The following TCF3 variants were observed in gnomAD, a reference collection of about 807,000 sequenced individuals.
TCF3 encodes transcription factor 3.
A neutral mutation model predicts 72.3 loss-of-function variants in TCF3; 54 were observed. That is an observed-to-expected ratio of 0.75 (90% CI 0.60 to 0.94). TCF3 has a LOEUF of 0.94. TCF3 is among the 40% of genes least tolerant of loss of function. The pLI is 0.00. For missense variants in TCF3, 1,078 were observed against 934.4 expected (o/e 1.15, Z -2.00); for synonymous variants, 525 against 412.6 (o/e 1.27, Z -3.30).
rs1282860373 is a variant in TCF3, at chr19:1,623,833, A to T, written c.549+118T>A. The T allele has an allele frequency of 1.8e-5, 18 of 1,014,630 alleles. No individual in the cohort carries two copies. In the East Asian group the frequency reaches 4.9e-4, roughly 28 times the overall value. The allele number at this position is 1,014,630 out of a possible 1,614,324, so 62.9% of individuals were successfully genotyped here. On this transcript the variant is annotated intron_variant, in intron 8 of 18. Transcript: ENST00000262965. The stretch of plus-strand genomic sequence containing the variant: ...GCTCAGATCTTGGCTCAGAAATCAC[A>T]GGGGGCCTGTCCACTCAGGGCCCAC...
intron 5 of TCF3, 54 bp from the exon 6 acceptor site, chr19:1,627,480 GGCCCCCGA>G: frequency 6.4e-7 from 1 of 1,562,422 alleles, no homozygotes; most frequent in Admixed American, 1.7e-5. Flanking sequence ...ACATCCTGAG[GGCCCCCGA>G]GTGCCTGCCA....
At chr19:1,650,746 C>A (rs976363482) in intron 1 of TCF3, 6 of 231,890 alleles carry the variant, frequency 2.6e-5, no homozygotes, top group African/African-American at 4.4e-5. Context: ...GTGATTCCCC[C>A]CTCCCCCAGC....
In TCF3 at chr19:1,614,728, G is replaced by A. The variant is rs2061380870; in HGVS notation, c.1822+557C>T. ...CAGCTCACATCTGCGGGTGGGGACAGGGTCTGTCTGTATCCTTCCTCCCCC... is the reference window on the plus strand; with the variant it reads ...CAGCTCACATCTGCGGGTGGGGACAAGGTCTGTCTGTATCCTTCCTCCCCC... On this transcript the variant is annotated intron_variant, in intron 18 of 18. Coordinates refer to ENST00000262965, the MANE Select transcript of TCF3 (RefSeq NM_003200.5). This position sits in a 1 kb window ranked among gnomAD's most constrained non-coding sequence, Gnocchi z 5.6. Among the ~76,000 whole-genome samples, 1 of 152,108 alleles carries A rather than the reference G, an allele frequency of 6.6e-6. No homozygotes were observed. The highest frequency in any genetic ancestry group is 1.5e-5 in the Non-Finnish European group (1 of 67,996).
rs569823816 is a variant in TCF3, at chr19:1,642,342, A to C, written c.145+4013T>G. 2.0e-5 allele frequency among the ~76,000 whole-genome samples: 3 copies of C among 152,312 alleles called. No homozygotes were observed. In the South Asian group the frequency reaches 6.2e-4, roughly 32 times the overall value. On this transcript the variant is annotated intron_variant, in intron 3 of 18. Coordinates refer to ENST00000262965, the MANE Select transcript of TCF3 (RefSeq NM_003200.5). ...CACAGACACACACACGTGCGTGTAA[A>C]GCCGGTGGAATCTGATCAGGATCTG... is the stretch of plus-strand genomic sequence containing the variant.
intron 3 of TCF3, among the ~76,000 whole-genome samples, chr19:1,640,256 C>A (rs1316947258): frequency 6.6e-6 from 1 of 152,122 alleles, no homozygotes; most frequent in Non-Finnish European, 1.5e-5. Context: ...CCAAATGAGG[C>A]CGGGCTCGGT....
At chr19:1,643,688 C>T (rs1167374589) in intron 3 of TCF3, among the ~76,000 whole-genome samples, 4 of 152,180 alleles carry the variant, frequency 2.6e-5, no homozygotes, top group Non-Finnish European at 5.9e-5. Flanking sequence ...GTACCTAACT[C>T]CTCTCTCGAC....
At chr19:1,620,735 G>C (rs1209118602) in intron 13 of TCF3, among the ~76,000 whole-genome samples, 3 of 152,178 alleles carry the variant, frequency 2.0e-5, no homozygotes, top group Non-Finnish European at 4.4e-5. Flanking sequence ...TTCCTGGATT[G>C]CCCAGTGGAA....
At chr19:1,640,677 C>T (rs1454893678) in intron 3 of TCF3, among the ~76,000 whole-genome samples, 2 of 152,072 alleles carry the variant, frequency 1.3e-5, no homozygotes, top group East Asian at 1.9e-4. Context: ...ACTTAGCCGG[C>T]ACCTGTAGTC....
intron 3 of TCF3, among the ~76,000 whole-genome samples, chr19:1,636,161 A>C (rs1446168387): frequency 1.3e-5 from 2 of 151,872 alleles, no homozygotes; most frequent in South Asian, 2.1e-4. Context: ...TATTTTAAAA[A>C]ATTTTTTTTT....
At chr19:1,638,322 G>C (rs779056182) in intron 3 of TCF3, among the ~76,000 whole-genome samples, 2 of 152,334 alleles carry the variant, frequency 1.3e-5, no homozygotes, top group East Asian at 1.9e-4. Context: ...ATGTTTCCTA[G>C]TAAGATGCAA....
At chr19:1,640,914 C>T (rs1430224049) in intron 3 of TCF3, among the ~76,000 whole-genome samples, 2 of 151,982 alleles carry the variant, frequency 1.3e-5, no homozygotes, top group South Asian at 2.1e-4. Context: ...TTTGGGAGGC[C>T]GAGGTGGGTG....
In TCF3 at chr19:1,651,040, C is replaced by T. The variant is rs967274387; in HGVS notation, c.-39-753G>A. On this transcript the variant is annotated intron_variant, in intron 1 of 18. Coordinates refer to ENST00000262965, the MANE Select transcript of TCF3 (RefSeq NM_003200.5). ...TTATTTTTAAGCAAAACTTTGACAA[C>T]ATCCCTTGCCTGCCCTCCATGAGCG... 3.9e-5 allele frequency: 9 copies of T among 231,846 alleles called. No individual in the cohort carries two copies. In the Admixed American group the frequency reaches 4.5e-4, roughly 12 times the overall value. 14.4% of individuals were successfully genotyped at this position (231,846 alleles called of 1,614,324 possible).
chr19:1,615,153 A>T lies in TCF3; in HGVS notation c.1822+132T>A. 9.3e-7 allele frequency: 1 copy of T among 1,080,908 alleles called. No homozygotes were observed. Among genetic ancestry groups the T allele is most frequent in the Non-Finnish European group, 1.3e-6 (1 of 772,522 alleles). 67.0% of individuals were successfully genotyped at this position (1,080,908 alleles called of 1,614,324 possible). A position where few individuals can be genotyped will look rare whatever the true frequency, so the allele number is the denominator to read the frequency against. On this transcript the variant is annotated intron_variant, in intron 18 of 18. Transcript: ENST00000262965. This position sits in a 1 kb window ranked among gnomAD's most constrained non-coding sequence, Gnocchi z 7.3. ...ATGCGGTCAGAGGGGTGAAGGGCACAGTCACTGCAAGGAGGCAACTGCTGC... is the reference window on the plus strand; with the variant it reads ...ATGCGGTCAGAGGGGTGAAGGGCACTGTCACTGCAAGGAGGCAACTGCTGC...
chr19:1,650,219 C>G lies in TCF3; in HGVS notation c.30G>C (p.Val10=). 3 of 1,572,372 alleles carry G rather than the reference C, an allele frequency of 1.9e-6. No homozygotes were observed. Among genetic ancestry groups the G allele is most frequent in the Non-Finnish European group, 1.7e-6 (2 of 1,160,220 alleles). Residue 10 remains valine (V), a synonymous_variant, in exon 2 of 19, where the codon GTG becomes GTC. Transcript: ENST00000262965. ...GGTCACTGAGCTCCTTGTCTGTGCC[C>G]ACAGGCGCCATCCTCTGCGGCTGGT... MNQPQRMAP[V]GTDKELSDLL... is the part of the protein sequence containing the mutation.
intron 3 of TCF3, among the ~76,000 whole-genome samples, chr19:1,635,597 C>G (rs981821927): frequency 6.6e-6 from 1 of 152,124 alleles, no homozygotes; most frequent in Non-Finnish European, 1.5e-5. Flanking sequence ...CACCCACCCT[C>G]AACGTCTTCA....
rs1181362648 is a variant in TCF3, at chr19:1,615,874, A to G, written c.1451-53T>C. On this transcript the variant is annotated intron_variant, in intron 16 of 18. Coordinates refer to ENST00000262965, the MANE Select transcript of TCF3 (RefSeq NM_003200.5). This position sits in a 1 kb window ranked among gnomAD's most constrained non-coding sequence, Gnocchi z 7.3. Reference sequence around the variant, plus strand: ...GCGTCGGCCTCCAGGGCCAACTGACATATCTCTTTGTGCTCCTGTGGTGAG... The same window carrying G: ...GCGTCGGCCTCCAGGGCCAACTGACGTATCTCTTTGTGCTCCTGTGGTGAG... 5.4e-6 allele frequency: 8 copies of G among 1,495,308 alleles called. No individual in the cohort carries two copies. Among genetic ancestry groups the G allele is most frequent in the Middle Eastern group, 1.8e-4 (1 of 5,550 alleles). The allele number at this position is 1,495,308 out of a possible 1,614,324, so 92.6% of individuals were successfully genotyped here.
intron 7 of TCF3, among the ~76,000 whole-genome samples, chr19:1,624,884 TG>T (rs1488225837): frequency 3.3e-5 from 5 of 152,202 alleles, no homozygotes; most frequent in African/African-American, 4.8e-5. Context: ...CTTGCGCTGT[TG>T]CTCAGGCTGG....
intron 3 of TCF3, among the ~76,000 whole-genome samples, chr19:1,645,925 T>C (rs562689501): frequency 6.6e-6 from 1 of 152,074 alleles, no homozygotes; most frequent in Non-Finnish European, 1.5e-5. Flanking sequence ...TAAATGAAAG[T>C]CGTCGAGGCT....
At chr19:1,651,806 C>A (rs1048184394) in intron 1 of TCF3, among the ~76,000 whole-genome samples, 16 of 151,416 alleles carry the variant, frequency 1.1e-4, no homozygotes, top group Admixed American at 2.6e-4. Flanking sequence ...CGCGCCCCCC[C>A]CCGGCCCGCC....
Sources: allele counts gnomAD v4.1 joint callset (sites outside exome capture counted in the v4.1 genomes callset), GRCh38; gene constraint gnomAD v4.1.1; non-coding constraint Gnocchi (gnomAD v3.1); transcripts MANE v1.5; gene names NCBI Gene and HGNC (gene_info 2026-07-23, HGNC 2026-07-21).